RAI14: variants seen among roughly 807,000 people sequenced by gnomAD.
The protein encoded by RAI14 is ankycorbin.
A neutral mutation model predicts 115.4 loss-of-function variants in RAI14; 45 were observed. The ratio of observed to expected loss-of-function variants is 0.39; its 90% confidence interval spans 0.31 to 0.50. RAI14 has a LOEUF of 0.50. RAI14 is among the 20% of genes least tolerant of loss of function. RAI14 has a pLI of 0.85. For synonymous variants in RAI14, 371 were observed against 415.4 expected, an observed-to-expected ratio of 0.89 and a Z score of 1.30; for missense variants, 939 against 1,131.2, an observed-to-expected ratio of 0.83 and a Z score of 2.44.
At chr5:34,812,893 T>G (rs1755771598) in intron 10 of RAI14, among the ~76,000 whole-genome samples, 1 of 152,242 alleles carries the variant, frequency 6.6e-6, no homozygotes, top group Non-Finnish European at 1.5e-5. Flanking sequence ...ATGTTAGCTA[T>G]TTAATGAAAA....
At chr5:34,737,633 C>T (rs1487683410) in intron 2 of RAI14, among the ~76,000 whole-genome samples, 1 of 151,950 alleles carries the variant, frequency 6.6e-6, no homozygotes, top group Non-Finnish European at 1.5e-5. Flanking sequence ...GTGGCTTGCA[C>T]CTGTAGTCTC....
chr5:34,682,461 A>G (rs1744461374), intron 1 of RAI14, among the ~76,000 whole-genome samples: 1 of 152,164 alleles, frequency 6.6e-6, no homozygotes, highest in South Asian at 2.1e-4. Context: ...TCAAGGTTTT[A>G]AAATTCAGGC....
At chr5:34,754,020 G>T (rs1222202502) in intron 2 of RAI14, among the ~76,000 whole-genome samples, 3 of 151,904 alleles carry the variant, frequency 2.0e-5, no homozygotes, top group Non-Finnish European at 4.4e-5. Context: ...GGCAGAGGTT[G>T]CAGTGAGCCA....
intron 2 of RAI14, among the ~76,000 whole-genome samples, chr5:34,731,719 A>G (rs960713698): frequency 2.0e-5 from 3 of 152,240 alleles, no homozygotes; most frequent in African/African-American, 7.2e-5. Flanking sequence ...TGAATAGTTA[A>G]TTTGCTGCTA....
chr5:34,755,674 A>G (rs967771566), intron 2 of RAI14, among the ~76,000 whole-genome samples: 2 of 152,214 alleles, frequency 1.3e-5, no homozygotes, highest in African/African-American at 2.4e-5. Context: ...AGATTGCCAA[A>G]TGACCCCACA....
intron 4 of RAI14, among the ~76,000 whole-genome samples, chr5:34,799,533 C>CA (rs1753978395): frequency 1.3e-5 from 1 of 76,148 alleles, no homozygotes; most frequent in African/African-American, 4.8e-5. Flanking sequence ...CACACACACA[C>CA]ACACACAAAA....
chr5:34,762,929 A>ATGTGTGTGTG (rs34495404), intron 3 of RAI14, among the ~76,000 whole-genome samples: 56 of 129,000 alleles, frequency 4.3e-4, no homozygotes, highest in South Asian at 7.7e-4. Flanking sequence ...GAGTGTGTGC[A>ATGTGTGTGTG]TGTGTGTGTG....
At chr5:34,670,405 A>G (rs1343769981) in intron 1 of RAI14, among the ~76,000 whole-genome samples, 1 of 152,240 alleles carries the variant, frequency 6.6e-6, no homozygotes, top group Non-Finnish European at 1.5e-5. Flanking sequence ...TAATAACAGT[A>G]GAATTTAATT....
At chr5:34,819,627 C>A (rs1227756782) in intron 13 of RAI14, among the ~76,000 whole-genome samples, 1 of 152,160 alleles carries the variant, frequency 6.6e-6, no homozygotes, top group Non-Finnish European at 1.5e-5. Context: ...AATATAGTAC[C>A]TTCAGAATCC....
At chr5:34,777,878 G>T (rs116507688) in intron 3 of RAI14, among the ~76,000 whole-genome samples, 4,610 of 150,746 alleles carry the variant, frequency 0.031, 246 homozygotes, top group African/African-American at 0.11. Flanking sequence ...GTGTGGGGGG[G>T]GTGTGGATAA....
intron 4 of RAI14, among the ~76,000 whole-genome samples, chr5:34,798,361 T>TTTA (rs1554006835): frequency 0.036 from 5,459 of 149,932 alleles, 112 homozygotes; most frequent in East Asian, 0.059. Context: ...TTTTTTTTTT[T>TTTA]AATACATGCT....
At position 34,747,057 on chromosome 5, in the gene RAI14, A is replaced by G. The variant is rs534788044; in HGVS notation, c.37-10411A>G. Reference sequence around the variant, plus strand: ...CCTCCCCAGCCATGTGGAACTGTAAATCCAATTGAACCTCTTTTTCTTCCC... The same window carrying G: ...CCTCCCCAGCCATGTGGAACTGTAAGTCCAATTGAACCTCTTTTTCTTCCC... On this transcript the variant is annotated intron_variant, in intron 2 of 17. Coordinates refer to ENST00000265109, the MANE Select transcript of RAI14 (RefSeq NM_015577.3). 4.6e-5 allele frequency among the ~76,000 whole-genome samples: 7 copies of G among 152,268 alleles called. No individual in the cohort carries two copies. In the East Asian group the frequency reaches 9.7e-4, roughly 21 times the overall value.
intron 3 of RAI14, among the ~76,000 whole-genome samples, chr5:34,777,505 C>T (rs1044415929): frequency 6.6e-5 from 10 of 152,054 alleles, no homozygotes; most frequent in African/African-American, 1.4e-4. Flanking sequence ...CTCAGCTGAG[C>T]GTGGTGGCTC....
intron 2 of RAI14, among the ~76,000 whole-genome samples, chr5:34,704,326 TTCCGTCCGGGTACTTTG>T (rs368443228): frequency 1.8e-4 from 28 of 152,314 alleles, no homozygotes; most frequent in African/African-American, 6.5e-4. Context: ...AGATGAACAC[TTCCGTCCGGGTACTTTG>T]TCCTGTTTGT....
intron 3 of RAI14, among the ~76,000 whole-genome samples, chr5:34,761,817 T>C (rs544271130): frequency 1.3e-5 from 2 of 152,060 alleles, no homozygotes; most frequent in Non-Finnish European, 2.9e-5. Flanking sequence ...TATTTAGAGA[T>C]GGGTCTTGCC....
intron 4 of RAI14, among the ~76,000 whole-genome samples, chr5:34,797,838 A>T (rs13155753): frequency 2.0e-5 from 3 of 151,970 alleles, no homozygotes; most frequent in Non-Finnish European, 4.4e-5. Context: ...AAGTAGGAGA[A>T]GTTTCCCTCT....
At chr5:34,700,003 GA>G (rs1424717684) in intron 2 of RAI14, among the ~76,000 whole-genome samples, 1 of 152,198 alleles carries the variant, frequency 6.6e-6, no homozygotes, top group Non-Finnish European at 1.5e-5. Context: ...AGGGTGGGGA[GA>G]GGGGCGGAGA....
At chr5:34,724,990 G>A (rs1203092457) in intron 2 of RAI14, among the ~76,000 whole-genome samples, 1 of 151,876 alleles carries the variant, frequency 6.6e-6, no homozygotes, top group East Asian at 1.9e-4. Flanking sequence ...AAAAAGCCTG[G>A]GTCTCTGTAA....
chr5:34,766,243 C>T (rs981741971), intron 3 of RAI14, among the ~76,000 whole-genome samples: 2 of 152,272 alleles, frequency 1.3e-5, no homozygotes, highest in African/African-American at 2.4e-5. Flanking sequence ...GGCCACAATC[C>T]TCCAGCCCCC....
Sources: allele counts gnomAD v4.1 joint callset (sites outside exome capture counted in the v4.1 genomes callset), GRCh38; gene constraint gnomAD v4.1.1; transcripts MANE v1.5; gene names NCBI Gene and HGNC (gene_info 2026-07-23, HGNC 2026-07-21).